The following RPRD2 variants were observed in gnomAD, a reference collection of about 807,000 sequenced individuals.
RPRD2 encodes regulation of nuclear pre-mRNA domain-containing protein 2.
Under a neutral mutation model 104.4 loss-of-function variants are expected in RPRD2, and 12 were observed. That is an observed-to-expected ratio of 0.11 (90% confidence interval 0.07 to 0.19). The LOEUF (loss-of-function observed/expected upper bound fraction) is 0.19. Among genes scored for constraint, RPRD2 ranks in the 10% least tolerant of loss-of-function variants. The probability of loss-of-function intolerance (pLI) is 1.00; values close to 1 mark genes in which losing one functional copy is unlikely to be tolerated. For missense variants in RPRD2, 1,543 were observed against 1,790.1 expected, an observed-to-expected ratio of 0.86 and a Z score of 2.49; for synonymous variants, 714 against 684.9, an observed-to-expected ratio of 1.04 and a Z score of -0.66.
intron 1 of RPRD2, among the ~76,000 whole-genome samples, chr1:150,404,588 G>T (rs1553886112): frequency 6.6e-6 from 1 of 151,882 alleles, no homozygotes; most frequent in Non-Finnish European, 1.5e-5. Flanking sequence ...GGATGTCTTT[G>T]CTAGGCTGTA....
intron 7 of RPRD2, among the ~76,000 whole-genome samples, chr1:150,454,874 A>G (rs992124511): frequency 1.4e-4 from 21 of 152,108 alleles, no homozygotes; most frequent in Non-Finnish European, 2.8e-4. Context: ...AGGTTCTTGA[A>G]TTTACAAAAC....
intron 7 of RPRD2, among the ~76,000 whole-genome samples, chr1:150,447,959 C>CA (rs782514611): frequency 3.3e-4 from 50 of 152,238 alleles, no homozygotes; most frequent in South Asian, 2.7e-3. Context: ...AGCTTATACT[C>CA]ACCCGCCTTT....
At chr1:150,376,757 C>T (rs1291427427) in intron 1 of RPRD2, among the ~76,000 whole-genome samples, 3 of 151,664 alleles carry the variant, frequency 2.0e-5, no homozygotes, top group Non-Finnish European at 4.4e-5. Context: ...GCCTTGGCCT[C>T]CCAAAGTGCT....
At chr1:150,417,867 G>A (rs1664463331) in intron 2 of RPRD2, 142 bp downstream of exon 2, 3 of 483,670 alleles carry the variant, frequency 6.2e-6, no homozygotes, top group African/African-American at 6.0e-5. Flanking sequence ...TTACTTTCTT[G>A]TTAACACACG....
intron 1 of RPRD2, among the ~76,000 whole-genome samples, chr1:150,372,488 A>AACAC (rs781938858): frequency 6.0e-5 from 5 of 83,794 alleles, no homozygotes; most frequent in African/African-American, 8.9e-5. Flanking sequence ...TGAAAAAAGA[A>AACAC]ACACACACAC....
chr1:150,469,540 A>G (rs1484339208), intron 10 of RPRD2, among the ~76,000 whole-genome samples: 1 of 152,130 alleles, frequency 6.6e-6, no homozygotes, highest in Non-Finnish European at 1.5e-5. Context: ...GCTGCCCAAA[A>G]TGCTAGGATT....
intron 1 of RPRD2, among the ~76,000 whole-genome samples, chr1:150,410,370 T>C (rs1560178838): frequency 6.6e-6 from 1 of 152,094 alleles, no homozygotes; most frequent in Non-Finnish European, 1.5e-5. Context: ...CAGGCAAAGG[T>C]AGAAGCAGGG....
At position 150,472,437 on chromosome 1, in the gene RPRD2, A is replaced by G. The variant is rs1458636145; in HGVS notation, c.3489A>G (p.Lys1163=). 33 of 1,613,798 alleles carry G rather than the reference A, an allele frequency of 2.0e-5. No individual in the cohort carries two copies. In the Admixed American group the frequency reaches 5.2e-4, roughly 25 times the overall value. ...GCAGCGGAGGCCTCACTGGCTTTAA[A>G]ACAGCACCATACAAGGAACGGGCAC... ...GGGSGGLTGF[K]TAPYKERAPQ... Residue 1163 remains lysine, a synonymous_variant, in exon 11 of 11, where the codon AAA becomes AAG. Coordinates refer to ENST00000369068, the MANE Select transcript of RPRD2 (RefSeq NM_015203.5).
At position 150,471,268 on chromosome 1, in the gene RPRD2, A is replaced by G. The variant is rs968886369; in HGVS notation, c.2320A>G (p.Arg774Gly). 1 of 1,613,116 alleles carries G rather than the reference A, an allele frequency of 6.2e-7. No individual in the cohort carries two copies. Among genetic ancestry groups the G allele is most frequent in the Non-Finnish European group, 8.5e-7 (1 of 1,179,658 alleles). ...CAGTACAAGATCACCACCCCCTGGG[A>G]GAGATGAAAGCTACCCCCGAGAGCT... ...PSSTRSPPPG[R>G]DESYPRELSN... is the part of the protein sequence containing the mutation. Residue 774 changes from arginine (R) to glycine (G), a missense_variant, in exon 11 of 11, where the codon AGA becomes GGA. Physicochemically the swap from Arg to Gly is moderately radical, Grantham distance 125. Around this residue, in one of 4 missense-constraint regions of RPRD2, gnomAD observed 880 missense variants for 885.6 expected, o/e 0.99. Transcript: ENST00000369068. The surrounding 1 kb of genome is among the most constrained non-coding windows in gnomAD (Gnocchi z 5.3).
At chr1:150,420,951 GT>G (rs1664717966) in intron 2 of RPRD2, among the ~76,000 whole-genome samples, 1 of 152,202 alleles carries the variant, frequency 6.6e-6, no homozygotes, top group South Asian at 2.1e-4. Context: ...AGGGTCGATA[GT>G]TAAGTAGTTT....
At chr1:150,443,350 A>G (rs1666533656) in intron 5 of RPRD2, 67 bp downstream of exon 5, 8 of 1,116,864 alleles carry the variant, frequency 7.2e-6, no homozygotes, top group African/African-American at 3.1e-5. Context: ...AGTTTCCTGT[A>G]TAGTCCAATA....
intron 9 of RPRD2, among the ~76,000 whole-genome samples, chr1:150,463,227 G>A (rs1191991591): frequency 2.0e-5 from 3 of 152,156 alleles, no homozygotes; most frequent in African/African-American, 7.2e-5. Flanking sequence ...GGAGGCAAAT[G>A]CAGGAGGATC....
intron 1 of RPRD2, among the ~76,000 whole-genome samples, chr1:150,415,078 A>G (rs1664234308): frequency 6.6e-6 from 1 of 152,182 alleles, no homozygotes; most frequent in Admixed American, 6.5e-5. Flanking sequence ...TAATTCCAGC[A>G]CTTTGGGAGG....
In RPRD2 at chr1:150,472,535, C is replaced by T. The variant is rs1268251253; in HGVS notation, c.3587C>T (p.Pro1196Leu). Reference sequence around the variant, plus strand: ...TCAACATTTGAGCATCATCTTCCCCCATCCCCCTTGGAACATGGGACACCC... The same window carrying T: ...TCAACATTTGAGCATCATCTTCCCCTATCCCCCTTGGAACATGGGACACCC... ...FNSTFEHHLP[P>L]SPLEHGTPFQ... is the part of the protein sequence containing the mutation. Residue 1196 changes from proline (P) to leucine (L), a missense_variant, in exon 11 of 11, where the codon CCA becomes CTA. By Grantham distance (98) the Pro-to-Leu change is moderately conservative. Coordinates refer to ENST00000369068, the MANE Select transcript of RPRD2 (RefSeq NM_015203.5). 1.3e-5 allele frequency: 21 copies of T among 1,613,858 alleles called. No homozygotes were observed. Among genetic ancestry groups the T allele is most frequent in the Admixed American group, 3.3e-5 (2 of 60,006 alleles).
chr1:150,440,842 T>C (rs1666366380), intron 2 of RPRD2, 81 bp from the exon 3 acceptor site: 1 of 716,730 alleles, frequency 1.4e-6, no homozygotes, highest in African/African-American at 1.9e-5. Flanking sequence ...ATAATTTTAT[T>C]GATAACTTTA....
At chr1:150,396,106 T>C (rs1662499131) in intron 1 of RPRD2, among the ~76,000 whole-genome samples, 1 of 152,162 alleles carries the variant, frequency 6.6e-6, no homozygotes, top group South Asian at 2.1e-4. Context: ...ATGGTGAGCA[T>C]TTTTTCATAT....
chr1:150,421,853 CT>C (rs1366905539), intron 2 of RPRD2, among the ~76,000 whole-genome samples: 3 of 151,968 alleles, frequency 2.0e-5, no homozygotes, highest in African/African-American at 7.3e-5. Flanking sequence ...TGGCATGTGC[CT>C]GTAGTCCTAG....
At chr1:150,436,384 G>A (rs1408803578) in intron 2 of RPRD2, among the ~76,000 whole-genome samples, 14 of 144,730 alleles carry the variant, frequency 9.7e-5, no homozygotes, top group African/African-American at 3.1e-4. Context: ...GGCAGATCAC[G>A]AGGTCGGGAG....
chr1:150,451,979 A>T (rs1553896683), intron 7 of RPRD2, among the ~76,000 whole-genome samples: 1 of 151,632 alleles, frequency 6.6e-6, no homozygotes, highest in Non-Finnish European at 1.5e-5. Flanking sequence ...CGTCTATACT[A>T]AAAATAGGAA....
Sources: gnomAD v4.1 joint callset for allele counts (sites outside exome capture counted in the v4.1 genomes callset) on GRCh38, gnomAD v4.1.1 for gene constraint, gnomAD v4.1.1 regional missense constraint, Gnocchi (gnomAD v3.1) non-coding constraint, MANE v1.5 for transcripts, NCBI Gene and HGNC (gene_info 2026-07-23, HGNC 2026-07-21) for gene names.